SCNN1B: variants seen among roughly 807,000 people sequenced by gnomAD.
SCNN1B encodes epithelial sodium channel subunit beta.
Under a neutral mutation model 65.3 loss-of-function variants are expected in SCNN1B, and 46 were observed. The ratio of observed to expected loss-of-function variants is 0.70; its 90% confidence interval spans 0.56 to 0.90. The LOEUF is 0.90. Among genes scored for constraint, SCNN1B ranks in the 40% least tolerant of loss-of-function variants. The pLI is 0.00. For missense variants in SCNN1B, 751 were observed against 830.5 expected (o/e 0.90, Z 1.18); for synonymous variants, 349 against 330.6 (o/e 1.06, Z -0.60).
intron 1 of SCNN1B, among the ~76,000 whole-genome samples, chr16:23,313,175 G>T (rs1961380280): frequency 6.6e-6 from 1 of 152,142 alleles, no homozygotes; most frequent in Non-Finnish European, 1.5e-5. Context: ...TGGATGGATG[G>T]ATGCATATCA....
intron 4 of SCNN1B, among the ~76,000 whole-genome samples, chr16:23,361,059 G>C (rs1445793403): frequency 6.6e-6 from 1 of 152,134 alleles, no homozygotes; most frequent in Non-Finnish European, 1.5e-5. Context: ...CTTCCAAAGT[G>C]CTGGGATTAC....
Position 23,348,884 on chromosome 16 carries a change from C to A in SCNN1B, c.285C>A (p.Val95=). 1 of 1,614,180 alleles carries A rather than the reference C, an allele frequency of 6.2e-7. No homozygotes were observed. Among genetic ancestry groups the A allele is most frequent in the Non-Finnish European group, 8.5e-7 (1 of 1,180,028 alleles). Residue 95 remains valine, a synonymous_variant, in exon 2 of 13, where the codon GTC becomes GTA. Coordinates refer to ENST00000343070, the MANE Select transcript of SCNN1B (RefSeq NM_000336.3). The surrounding 1 kb of genome is among the most constrained non-coding windows in gnomAD (Gnocchi z 4.5). ...VGFKTMDFPA[V]TICNASPFKY... ...TCAAGACCATGGACTTCCCTGCCGT[C>A]ACCATCTGCAATGCTAGCCCCTTCA...
At chr16:23,307,451 C>T (rs1035605426) in intron 1 of SCNN1B, among the ~76,000 whole-genome samples, 4 of 151,968 alleles carry the variant, frequency 2.6e-5, no homozygotes, top group Non-Finnish European at 5.9e-5. Context: ...TCCCAAGTAG[C>T]TGGGATTACA....
chr16:23,341,701 G>C (rs909439101), intron 1 of SCNN1B, among the ~76,000 whole-genome samples: 2 of 152,154 alleles, frequency 1.3e-5, no homozygotes, highest in African/African-American at 2.4e-5. Context: ...TGGATCTAAT[G>C]GCCAATATAT....
In SCNN1B at chr16:23,327,835, T is replaced by G. The variant is rs140396193; in HGVS notation, c.-8-20757T>G. ...CCTCCAAAGGCCAGATGTACACTTG[T>G]TTTTCCTTGAAAAGGACATTCACAA... On this transcript the variant is annotated intron_variant, in intron 1 of 12. Transcript: ENST00000343070. Among the ~76,000 whole-genome samples the G allele has an allele frequency of 1.3e-3, 193 of 152,330 alleles. 4 individuals are homozygous for G. The East Asian group carries it at 0.032, about 26-fold the overall frequency.
intron 5 of SCNN1B, among the ~76,000 whole-genome samples, chr16:23,368,459 T>C (rs1320644890): frequency 6.6e-6 from 1 of 152,102 alleles, no homozygotes; most frequent in Non-Finnish European, 1.5e-5. Context: ...GGAAGATCGC[T>C]TGAGCTGGGA....
chr16:23,363,275 G>A (rs1035141483), intron 4 of SCNN1B, among the ~76,000 whole-genome samples: 4 of 152,168 alleles, frequency 2.6e-5, no homozygotes, highest in Admixed American at 6.5e-5. Context: ...ACCCCTTGCC[G>A]CAGTCATGTA....
In SCNN1B at chr16:23,367,819, G is replaced by A. The variant is rs72654336; in HGVS notation, c.777-37G>A. ...ACAGTCGGGGGAGGCATTGCCTGTG[G>A]TGGAACCTGCCCTGCAGCTGATGCT... On this transcript the variant is annotated intron_variant, in intron 4 of 12. Transcript: ENST00000343070. The A allele has an allele frequency of 8.6e-5, 132 of 1,530,168 alleles. No individual in the cohort carries two copies. The African/African-American group carries it at 1.5e-3, about 17-fold the overall frequency. 94.8% of individuals were successfully genotyped at this position (1,530,168 alleles called of 1,614,324 possible).
chr16:23,326,620 A>G (rs1961702970), intron 1 of SCNN1B, among the ~76,000 whole-genome samples: 1 of 151,932 alleles, frequency 6.6e-6, no homozygotes, highest in Non-Finnish European at 1.5e-5. Context: ...GTGCGCCACC[A>G]TGCCCAGCTA....
At chr16:23,301,268 A>G (rs1961076094), upstream of SCNN1B, among the ~76,000 whole-genome samples, 2 of 151,688 alleles carry the variant, frequency 1.3e-5, no homozygotes, top group Non-Finnish European at 2.9e-5. Context: ...AGGCTGAGGC[A>G]GGAGAATTGC....
intron 1 of SCNN1B, among the ~76,000 whole-genome samples, chr16:23,303,251 C>G (rs72652284): frequency 3.9e-5 from 6 of 152,120 alleles, no homozygotes; most frequent in African/African-American, 1.4e-4. Context: ...GCAGAGACCT[C>G]CAGTCCACAA....
chr16:23,360,720 C>G (rs999064486), intron 4 of SCNN1B, among the ~76,000 whole-genome samples: 1 of 151,586 alleles, frequency 6.6e-6, no homozygotes, highest in South Asian at 2.1e-4. Context: ...CTCAGCCCCC[C>G]GAGTAGCTGG....
chr16:23,346,714 C>T (rs1358377198), intron 1 of SCNN1B, among the ~76,000 whole-genome samples: 3 of 149,304 alleles, frequency 2.0e-5, no homozygotes, highest in Non-Finnish European at 4.5e-5. Context: ...GCTCCCTCCC[C>T]ACTTCAGCCT....
intron 1 of SCNN1B, among the ~76,000 whole-genome samples, chr16:23,347,762 A>C (rs748114314): frequency 1.3e-5 from 2 of 151,918 alleles, no homozygotes; most frequent in Non-Finnish European, 2.9e-5. Flanking sequence ...ACAAAAATTC[A>C]CTGATATGGT....
At chr16:23,328,075 G>T (rs1270013107) in intron 1 of SCNN1B, among the ~76,000 whole-genome samples, 1 of 152,196 alleles carries the variant, frequency 6.6e-6, no homozygotes, top group East Asian at 1.9e-4. Flanking sequence ...AGTAGGGCCA[G>T]TTGTCTTTAA....
At position 23,376,772 on chromosome 16, in the gene SCNN1B, A is replaced by T. The variant is rs140960712; in HGVS notation, c.1271-393A>T. 2.8e-4 allele frequency among the ~76,000 whole-genome samples: 42 copies of T among 152,162 alleles called. No individual in the cohort carries two copies. The East Asian group carries it at 6.9e-3, about 25-fold the overall frequency. On this transcript the variant is annotated intron_variant, in intron 8 of 12. Coordinates refer to ENST00000343070, the MANE Select transcript of SCNN1B (RefSeq NM_000336.3). ...AAAAAAAAAAAAAAGAAAGAAAGAA[A>T]AAAAAAAGTAAAAGAGAGAGAGAAT...
intron 1 of SCNN1B, among the ~76,000 whole-genome samples, chr16:23,306,241 C>CAA (rs528596295): frequency 1.0e-4 from 11 of 106,026 alleles, no homozygotes; most frequent in Non-Finnish European, 1.2e-4. Flanking sequence ...GAAACTCTGT[C>CAA]AAAAAAAAAA....
intron 1 of SCNN1B, among the ~76,000 whole-genome samples, chr16:23,306,187 G>A (rs1268914260): frequency 6.6e-6 from 1 of 151,602 alleles, no homozygotes; most frequent in Non-Finnish European, 1.5e-5. Flanking sequence ...AGATTGCGAT[G>A]AGCCGAGATT....
At chr16:23,378,655 G>T in intron 10 of SCNN1B, 51 bp from the exon 11 acceptor site, 1 of 1,548,504 alleles carries the variant, frequency 6.5e-7, no homozygotes, top group Non-Finnish European at 8.9e-7. Flanking sequence ...AGCCATGACT[G>T]GGAGGGATGC....
Sources: allele counts gnomAD v4.1 joint callset (sites outside exome capture counted in the v4.1 genomes callset), GRCh38; gene constraint gnomAD v4.1.1; non-coding constraint Gnocchi (gnomAD v3.1); transcripts MANE v1.5; gene names NCBI Gene and HGNC (gene_info 2026-07-23, HGNC 2026-07-21).